The following NXPH1 variants were observed in gnomAD, a reference collection of about 807,000 sequenced individuals.
NXPH1 encodes neurexophilin 1, also known as neurexophilin-1.
Under a neutral mutation model 23.7 loss-of-function variants are expected in NXPH1, and 5 were observed. The ratio of observed to expected loss-of-function variants is 0.21; its 90% CI spans 0.11 to 0.44. The LOEUF (loss-of-function observed/expected upper bound fraction) is 0.44, where lower values mean the gene tolerates loss of function less well. NXPH1 is among the 20% of genes least tolerant of loss of function. The pLI is 0.99. For synonymous variants in NXPH1, 144 were observed against 122.2 expected, an observed-to-expected ratio of 1.18 and a Z score of -1.18; for missense variants, 324 against 321.6, an observed-to-expected ratio of 1.01 and a Z score of -0.06.
At chr7:8,537,570 C>T (rs1818047663) in intron 2 of NXPH1, among the ~76,000 whole-genome samples, 1 of 151,918 alleles carries the variant, frequency 6.6e-6, no homozygotes, top group African/African-American at 2.4e-5. Context: ...GATTCAGTTA[C>T]CTCCCACCAG....
chr7:8,478,817 A>T (rs755583207), intron 2 of NXPH1, among the ~76,000 whole-genome samples: 2 of 152,112 alleles, frequency 1.3e-5, no homozygotes, highest in South Asian at 2.1e-4. Flanking sequence ...GCAATTCTTT[A>T]TAACAGAACA....
At chr7:8,732,338 G>T (rs188321755) in intron 2 of NXPH1, among the ~76,000 whole-genome samples, 1 of 152,252 alleles carries the variant, frequency 6.6e-6, no homozygotes, top group Non-Finnish European at 1.5e-5. Context: ...GACTGGAGCT[G>T]TTCCCATTCG....
At chr7:8,596,963 GT>G (rs1819239783) in intron 2 of NXPH1, among the ~76,000 whole-genome samples, 1 of 152,122 alleles carries the variant, frequency 6.6e-6, no homozygotes, top group East Asian at 1.9e-4. Flanking sequence ...AATATTATTT[GT>G]GGGAATAATC....
Position 8,435,549 on chromosome 7 carries a change from T to A in NXPH1, c.-110-55T>A, listed in dbSNP as rs1816178078. The A allele has an allele frequency of 1.6e-6, 1 of 615,754 alleles. No homozygotes were observed. Among genetic ancestry groups the A allele is most frequent in the Admixed American group, 2.6e-5 (1 of 38,274 alleles). The allele number at this position is 615,754 out of a possible 1,614,324, so 38.1% of individuals were successfully genotyped here. ...ACGACCCCCTTTCCCCGCTTGATTG[T>A]CAAGCCTAACCTTGCCCGCGTAGTC... On this transcript the variant is annotated intron_variant, in intron 1 of 2. Coordinates refer to ENST00000405863, the MANE Select transcript of NXPH1 (RefSeq NM_152745.3). This position sits in a 1 kb window ranked among gnomAD's most constrained non-coding sequence, Gnocchi z 5.9.
At chr7:8,640,718 G>T (rs950975396) in intron 2 of NXPH1, among the ~76,000 whole-genome samples, 4 of 152,128 alleles carry the variant, frequency 2.6e-5, no homozygotes, top group Non-Finnish European at 5.9e-5. Context: ...CACTTTGGGA[G>T]GTCAAGGCAG....
chr7:8,651,645 C>T (rs4262248), intron 2 of NXPH1, among the ~76,000 whole-genome samples: 107,143 of 151,562 alleles, frequency 0.71, 38,581 homozygotes, highest in East Asian at 1. Flanking sequence ...CTGTACCTTT[C>T]GGATTTATTC....
At chr7:8,522,470 T>G (rs1188980374) in intron 2 of NXPH1, among the ~76,000 whole-genome samples, 1 of 152,228 alleles carries the variant, frequency 6.6e-6, no homozygotes, top group African/African-American at 2.4e-5. Context: ...GTAGTTAATA[T>G]TATTTTATTG....
intron 2 of NXPH1, among the ~76,000 whole-genome samples, chr7:8,568,761 C>T (rs147319662): frequency 8.1e-4 from 123 of 151,656 alleles, no homozygotes; most frequent in Middle Eastern, 3.4e-3. Context: ...ATGTCAACTA[C>T]AGTTTGATGG....
chr7:8,531,565 CT>C (rs1419901532), intron 2 of NXPH1, among the ~76,000 whole-genome samples: 2 of 152,292 alleles, frequency 1.3e-5, no homozygotes, highest in East Asian at 1.9e-4. Flanking sequence ...TCAGCACTTA[CT>C]TACTAACACC....
intron 2 of NXPH1, among the ~76,000 whole-genome samples, chr7:8,661,560 C>T (rs1196321417): frequency 2.0e-5 from 3 of 151,926 alleles, no homozygotes; most frequent in African/African-American, 7.3e-5. Context: ...CTTTACTGGC[C>T]CAACCAGAAA....
chr7:8,465,954 G>A (rs1483135647), intron 2 of NXPH1, among the ~76,000 whole-genome samples: 4 of 152,198 alleles, frequency 2.6e-5, no homozygotes, highest in Non-Finnish European at 5.9e-5. Context: ...TAATTCAGAG[G>A]ATAGGGCAAT....
At chr7:8,710,702 CCGGACTG>C (rs772892859) in intron 2 of NXPH1, among the ~76,000 whole-genome samples, 1 of 102,468 alleles carries the variant, frequency 9.8e-6, no homozygotes, top group Non-Finnish European at 1.7e-5. Context: ...GTCGCCCAGG[CCGGACTG>C]CGGACTGCAG....
intron 2 of NXPH1, among the ~76,000 whole-genome samples, chr7:8,662,432 T>G (rs1040815515): frequency 6.6e-6 from 1 of 152,082 alleles, no homozygotes; most frequent in Non-Finnish European, 1.5e-5. Flanking sequence ...CTTAAGTTAC[T>G]GGAACTTTTT....
chr7:8,728,764 C>T (rs1431817120), intron 2 of NXPH1, among the ~76,000 whole-genome samples: 1 of 152,178 alleles, frequency 6.6e-6, no homozygotes, highest in African/African-American at 2.4e-5. Flanking sequence ...AGGATTTTTG[C>T]ATCAATATTC....
In NXPH1 at chr7:8,650,452, G is replaced by T. The variant is rs528614844; in HGVS notation, c.55-100556G>T. 3.9e-5 allele frequency among the ~76,000 whole-genome samples: 6 copies of T among 152,252 alleles called. No individual in the cohort carries two copies. The East Asian group carries it at 1.2e-3, about 29-fold the overall frequency. ...AGCTTCTTGGAATGAGCCTTAATTAGCAGTCTAAGTTTTAATATTATGTTT... is the reference window on the plus strand; with the variant it reads ...AGCTTCTTGGAATGAGCCTTAATTATCAGTCTAAGTTTTAATATTATGTTT... On this transcript the variant is annotated intron_variant, in intron 2 of 2. Transcript: ENST00000405863.
intron 2 of NXPH1, among the ~76,000 whole-genome samples, chr7:8,731,108 T>C (rs1448212769): frequency 6.6e-6 from 1 of 152,010 alleles, no homozygotes; most frequent in South Asian, 2.1e-4. Context: ...CTATCACTGA[T>C]ACCCTTTCTT....
chr7:8,574,881 G>A (rs923492806), intron 2 of NXPH1, among the ~76,000 whole-genome samples: 2 of 152,080 alleles, frequency 1.3e-5, no homozygotes, highest in Non-Finnish European at 2.9e-5. Context: ...AAATAGATAA[G>A]ACTTTAAAAA....
At chr7:8,691,204 G>T (rs1821216050) in intron 2 of NXPH1, among the ~76,000 whole-genome samples, 1 of 152,028 alleles carries the variant, frequency 6.6e-6, no homozygotes, top group Admixed American at 6.5e-5. Context: ...GGAGTGCAAT[G>T]GCGTGATCTC....
intron 2 of NXPH1, among the ~76,000 whole-genome samples, chr7:8,524,785 C>A (rs377319257): frequency 6.6e-6 from 1 of 152,166 alleles, no homozygotes; most frequent in African/African-American, 2.4e-5. Flanking sequence ...TTTTCTCTTG[C>A]TGCCACCATG....
Sources: allele counts gnomAD v4.1 joint callset (sites outside exome capture counted in the v4.1 genomes callset), GRCh38; gene constraint gnomAD v4.1.1; non-coding constraint Gnocchi (gnomAD v3.1); transcripts MANE v1.5; gene names NCBI Gene and HGNC (gene_info 2026-07-23, HGNC 2026-07-21).